Variants in PROX1 observed in about 807,000 individuals in gnomAD.
PROX1 encodes prospero homeobox 1, also known as prospero homeobox protein 1.
PROX1 carries 7 observed loss-of-function variants against 58.8 expected under a neutral mutation model. The ratio of observed to expected loss-of-function variants is 0.12; its 90% CI spans 0.07 to 0.22. The LOEUF (loss-of-function observed/expected upper bound fraction) is 0.22. Among genes scored for constraint, PROX1 ranks in the 10% least tolerant of loss-of-function variants. PROX1 has a pLI of 1.00. For missense variants in PROX1, 675 were observed against 927.8 expected (o/e 0.73, Z 3.54); for synonymous variants, 350 against 358.3 (o/e 0.98, Z 0.26).
At chr1:213,990,133 T>TA (rs5780750) in intron 1 of PROX1, among the ~76,000 whole-genome samples, 45 of 131,708 alleles carry the variant, frequency 3.4e-4, no homozygotes, top group African/African-American at 6.1e-4. Context: ...CTCCCTTATT[T>TA]AAAAAAAAAA....
At chr1:214,024,767 A>T (rs954134732) in intron 4 of PROX1, among the ~76,000 whole-genome samples, 15 of 152,252 alleles carry the variant, frequency 9.9e-5, no homozygotes, top group Non-Finnish European at 7.3e-5. Flanking sequence ...ACTGTGGATT[A>T]TCTGTGCCCC....
chr1:214,036,987 A>AATTG lies in PROX1; in HGVS notation c.*1156_*1159dup, dbSNP rs1484745850. ...CATTTTAGGTATAACATTTTAAAGC[A>AATTG]ATTGATAATGCCTCTTCCAATTCAG... is the stretch of plus-strand genomic sequence containing the variant. On this transcript the variant is annotated 3_prime_UTR_variant, in exon 5 of 5. Transcript: ENST00000366958. The AATTG allele has an allele frequency of 6.6e-6, 1 of 152,286 alleles. No individual in the cohort carries two copies. The highest frequency in any genetic ancestry group is 6.5e-5 in the Admixed American group (1 of 15,288). The allele number at this position is 152,286 out of a possible 1,614,324, so 9.4% of individuals were successfully genotyped here. A position where few individuals can be genotyped will look rare whatever the true frequency, so the allele number is the denominator to read the frequency against.
chr1:213,985,957 A>G (rs550523607), upstream of PROX1: 12 of 152,322 alleles, frequency 7.9e-5, no homozygotes, highest in Admixed American at 7.8e-4. Flanking sequence ...GCGCTAACTT[A>G]TATGTACAAA....
intron 3 of PROX1, among the ~76,000 whole-genome samples, chr1:214,008,055 A>C (rs1379491195): frequency 3.0e-5 from 3 of 101,398 alleles, no homozygotes; most frequent in African/African-American, 1.2e-4. Context: ...TATTTTATTC[A>C]ATTTTTTTTT....
In PROX1 at chr1:214,040,625, C is replaced by T. The variant is rs890130060; in HGVS notation, c.*4791C>T. On this transcript the variant is annotated 3_prime_UTR_variant, in exon 5 of 5. Coordinates refer to ENST00000366958, the MANE Select transcript of PROX1 (RefSeq NM_001270616.2). ...TTTCTCATATGTATATAGTATAAACCGTGACAAAACACTGCCTTTATATTA... is the reference window on the plus strand; with the variant it reads ...TTTCTCATATGTATATAGTATAAACTGTGACAAAACACTGCCTTTATATTA... The T allele has an allele frequency of 6.6e-6, 1 of 152,042 alleles. No homozygotes were observed. The highest frequency in any genetic ancestry group is 2.1e-4 in the South Asian group (1 of 4,826). 9.4% of individuals were successfully genotyped at this position (152,042 alleles called of 1,614,324 possible). A position where few individuals can be genotyped will look rare whatever the true frequency, so the allele number is the denominator to read the frequency against.
chr1:213,997,469 C>G lies in PROX1; in HGVS notation c.934C>G (p.Arg312Gly). The G allele has an allele frequency of 6.2e-7, 1 of 1,613,970 alleles. No individual in the cohort carries two copies. The part of the protein sequence containing the change: ...LDPGQFIDRA[R>G]ALIREQEMAE... The stretch of plus-strand genomic sequence containing the variant: ...CCCAGGACAGTTTATTGACCGAGCT[C>G]GAGCCCTGATCAGAGAGCAGGAAAT... Residue 312 changes from arginine (R) to glycine (G), a missense_variant, in exon 2 of 5, where the codon CGA becomes GGA. Transcript: ENST00000366958. This position sits in a 1 kb window ranked among gnomAD's most constrained non-coding sequence, Gnocchi z 7.1.
intron 4 of PROX1, 117 bp from the exon 5 acceptor site, chr1:214,035,532 A>AC: frequency 1.0e-6 from 1 of 953,270 alleles, no homozygotes; most frequent in Non-Finnish European, 1.5e-6. Flanking sequence ...TTTTTAGAAA[A>AC]TGCAGGTGCC....
At chr1:213,994,810 T>C (rs1663196069) in intron 1 of PROX1, among the ~76,000 whole-genome samples, 1 of 126,788 alleles carries the variant, frequency 7.9e-6, no homozygotes, top group African/African-American at 2.9e-5. Flanking sequence ...TATAAAGAGG[T>C]ATCATTTTGC....
chr1:214,010,710 T>C (rs1238518378), intron 3 of PROX1, among the ~76,000 whole-genome samples: 1 of 152,176 alleles, frequency 6.6e-6, no homozygotes, highest in Non-Finnish European at 1.5e-5. Context: ...CAGGAAACCT[T>C]GGTAAACAAA....
rs1325562657 is a variant in PROX1 at position 213,997,856 on chromosome 1, C to T, written c.1321C>T (p.Leu441=). ...SSTDQTEALP[L]VVRKNSSDQS... Reference sequence around the variant, plus strand: ...CACTGACCAGACAGAAGCACTGCCCCTGGTTGTCCGCAAAAACTCCTCTGA... The same window carrying T: ...CACTGACCAGACAGAAGCACTGCCCTTGGTTGTCCGCAAAAACTCCTCTGA... Residue 441 remains leucine, a synonymous_variant, in exon 2 of 5, where the codon CTG becomes TTG. Transcript: ENST00000366958. This position sits in a 1 kb window ranked among gnomAD's most constrained non-coding sequence, Gnocchi z 7.1. 6.2e-7 allele frequency: 1 copy of T among 1,613,680 alleles called. No individual in the cohort carries two copies. Among genetic ancestry groups the T allele is most frequent in the South Asian group, 1.1e-5 (1 of 90,976 alleles).
chr1:213,992,489 C>T (rs1663071736), intron 1 of PROX1, among the ~76,000 whole-genome samples: 1 of 152,076 alleles, frequency 6.6e-6, no homozygotes, highest in African/African-American at 2.4e-5. Context: ...CCCTTTGAAT[C>T]ACTAATTTCC....
intron 4 of PROX1, among the ~76,000 whole-genome samples, chr1:214,018,111 C>A (rs1032615536): frequency 2.0e-5 from 3 of 152,154 alleles, no homozygotes; most frequent in African/African-American, 7.2e-5. Context: ...GAAACAAATT[C>A]ATTTAGCAAA....
Position 213,988,289 on chromosome 1 carries a change from C to CCGCT in PROX1, c.-249_-246dup, listed in dbSNP as rs937153299. 3.3e-5 allele frequency: 5 copies of CCGCT among 152,890 alleles called. No homozygotes were observed. Among genetic ancestry groups the CCGCT allele is most frequent in the African/African-American group, 7.3e-5 (3 of 41,374 alleles). The allele number at this position is 152,890 out of a possible 1,614,324, so 9.5% of individuals were successfully genotyped here. Reference sequence around the variant, plus strand: ...CTCCCCTCTCCCTCTCCCACTCGCCCCGCTCGCTCGCTCGCTGTCGCACAG... The same window carrying CCGCT: ...CTCCCCTCTCCCTCTCCCACTCGCCCCGCTCGCTCGCTCGCTCGCTGTCGCACAG... On this transcript the variant is annotated 5_prime_UTR_variant, in exon 1 of 5. Transcript: ENST00000366958.
chr1:213,990,839 G>T (rs767702419), intron 1 of PROX1, among the ~76,000 whole-genome samples: 7 of 152,056 alleles, frequency 4.6e-5, no homozygotes, highest in Non-Finnish European at 7.4e-5. Flanking sequence ...GAAAGAATAG[G>T]TATGTACATA....
At chr1:214,004,106 A>G (rs992789857) in intron 2 of PROX1, among the ~76,000 whole-genome samples, 2 of 152,220 alleles carry the variant, frequency 1.3e-5, no homozygotes, top group African/African-American at 4.8e-5. Context: ...GTGGGGGACC[A>G]CATTGATTTT....
At chr1:214,022,372 G>A (rs899324066) in intron 4 of PROX1, among the ~76,000 whole-genome samples, 26 of 152,226 alleles carry the variant, frequency 1.7e-4, no homozygotes, top group Admixed American at 1.7e-3. Context: ...TTCATTTGCA[G>A]AGCCAAGTAA....
chr1:213,983,494 C>T (rs1165359033), upstream of PROX1, among the ~76,000 whole-genome samples: 1 of 152,204 alleles, frequency 6.6e-6, no homozygotes, highest in African/African-American at 2.4e-5. Flanking sequence ...TAACTTTGCC[C>T]ACTGCGCCCC....
chr1:214,023,871 G>A (rs1204695381), intron 4 of PROX1, among the ~76,000 whole-genome samples: 1 of 152,202 alleles, frequency 6.6e-6, no homozygotes, highest in Non-Finnish European at 1.5e-5. Flanking sequence ...ACTTGGGCAG[G>A]GAGGGATGGT....
At chr1:214,025,646 C>T (rs1558185650) in intron 4 of PROX1, among the ~76,000 whole-genome samples, 1 of 151,140 alleles carries the variant, frequency 6.6e-6, no homozygotes, top group Non-Finnish European at 1.5e-5. Flanking sequence ...TTCTGAAGTT[C>T]CAAAATTCTG....
Sources: allele counts gnomAD v4.1 joint callset (sites outside exome capture counted in the v4.1 genomes callset), GRCh38; gene constraint gnomAD v4.1.1; non-coding constraint Gnocchi (gnomAD v3.1); transcripts MANE v1.5; gene names NCBI Gene and HGNC (gene_info 2026-07-23, HGNC 2026-07-21).